ANKRD46: variants seen among roughly 807,000 people sequenced by gnomAD.
ANKRD46 encodes ankyrin repeat domain-containing protein 46.
Under a neutral mutation model 19.8 loss-of-function variants are expected in ANKRD46, and 13 were observed. The observed-to-expected ratio is 0.66, with a 90% confidence interval of 0.43 to 1.04. ANKRD46 has a LOEUF of 1.04. Among genes scored for constraint, ANKRD46 ranks in the 50% least tolerant of loss-of-function variants. ANKRD46 has a pLI of 0.00. For synonymous variants in ANKRD46, 91 were observed against 106.9 expected (o/e 0.85, Z 0.92); for missense variants, 185 against 274.8 (o/e 0.67, Z 2.31).
In ANKRD46 at chr8:100,546,408, C is replaced by G. The variant is rs1812273594; in HGVS notation, c.-130-13097G>C. 2.6e-5 allele frequency among the ~76,000 whole-genome samples: 4 copies of G among 152,226 alleles called. No homozygotes were observed. In the South Asian group the frequency reaches 8.3e-4, roughly 31 times the overall value. ...GGCCAGACTACAGCTCAGACCATTG[C>G]TTCAGAGGGTGCGGGCCCCAAGCCT... is the stretch of plus-strand genomic sequence containing the variant. On this transcript the variant is annotated intron_variant, in intron 1 of 4. Coordinates refer to ENST00000335659, the MANE Select transcript of ANKRD46 (RefSeq NM_001270377.2). This position sits in a 1 kb window ranked among gnomAD's most constrained non-coding sequence, Gnocchi z 4.0.
chr8:100,531,447 A>G (rs1458695561), intron 2 of ANKRD46, among the ~76,000 whole-genome samples: 2 of 152,046 alleles, frequency 1.3e-5, no homozygotes, highest in East Asian at 3.8e-4. Flanking sequence ...CATTGTCCCA[A>G]AATCTGGGGC....
intron 1 of ANKRD46, among the ~76,000 whole-genome samples, chr8:100,549,371 A>T (rs1374631704): frequency 6.6e-6 from 1 of 152,228 alleles, no homozygotes; most frequent in Non-Finnish European, 1.5e-5. Flanking sequence ...AGTGTTAAGC[A>T]TACATTGCCA....
chr8:100,520,949 A>G lies in ANKRD46; in HGVS notation c.*1606T>C. 1 of 985,150 alleles carries G rather than the reference A, an allele frequency of 1.0e-6. No individual in the cohort carries two copies. Among genetic ancestry groups the G allele is most frequent in the Non-Finnish European group, 1.2e-6 (1 of 829,710 alleles). The allele number at this position is 985,150 out of a possible 1,614,324, so 61.0% of individuals were successfully genotyped here. A position where few individuals can be genotyped will look rare whatever the true frequency, so the allele number is the denominator to read the frequency against. On this transcript the variant is annotated 3_prime_UTR_variant, in exon 5 of 5. Coordinates refer to ENST00000335659, the MANE Select transcript of ANKRD46 (RefSeq NM_001270377.2). Reference sequence around the variant, plus strand: ...TACAAACAAATGTAAAGCTAATTCCAAAGTTTTCTTCTGAATATACTTCAA... The same window carrying G: ...TACAAACAAATGTAAAGCTAATTCCGAAGTTTTCTTCTGAATATACTTCAA...
intron 1 of ANKRD46, among the ~76,000 whole-genome samples, chr8:100,542,258 CT>C (rs1203485564): frequency 2.0e-5 from 3 of 152,188 alleles, no homozygotes; most frequent in Non-Finnish European, 4.4e-5. Context: ...TTTACGTATC[CT>C]TATTACACTC....
At chr8:100,516,091 C>T (rs1007986494), downstream of ANKRD46, among the ~76,000 whole-genome samples, 6 of 152,116 alleles carry the variant, frequency 3.9e-5, no homozygotes, top group East Asian at 1.9e-4. Context: ...AGGCTGGTCT[C>T]GAACTCTCGA....
At position 100,559,755 on chromosome 8, in the gene ANKRD46, G is replaced by C. The variant is rs1812578471; in HGVS notation, c.-175C>G. ...CAGCGACAGCGGCAGCTTCAAGGAG[G>C]CGGTGACGGGCGGAGGGGAGGGGCC... On this transcript the variant is annotated 5_prime_UTR_variant, in exon 1 of 5. Coordinates refer to ENST00000335659, the MANE Select transcript of ANKRD46 (RefSeq NM_001270377.2). The surrounding 1 kb of genome is among the most constrained non-coding windows in gnomAD (Gnocchi z 6.0). The C allele has an allele frequency of 6.5e-6, 1 of 152,800 alleles. No individual in the cohort carries two copies. Among genetic ancestry groups the C allele is most frequent in the Non-Finnish European group, 1.5e-5 (1 of 68,474 alleles). 9.5% of individuals were successfully genotyped at this position (152,800 alleles called of 1,614,324 possible). A position where few individuals can be genotyped will look rare whatever the true frequency, so the allele number is the denominator to read the frequency against.
At chr8:100,515,991 G>A (rs1418379404), downstream of ANKRD46, among the ~76,000 whole-genome samples, 1 of 151,776 alleles carries the variant, frequency 6.6e-6, no homozygotes, top group East Asian at 1.9e-4. Context: ...TCCTGCCTCA[G>A]CCTTTCAAGT....
chr8:100,551,430 C>T (rs904423703), intron 1 of ANKRD46: 19 of 642,520 alleles, frequency 3.0e-5, no homozygotes, highest in Admixed American at 7.3e-5. Flanking sequence ...GTGGACTCCA[C>T]GGCATACTCA....
chr8:100,520,878 T>C lies in ANKRD46; in HGVS notation c.*1677A>G. The C allele has an allele frequency of 2.2e-5, 22 of 984,450 alleles. No homozygotes were observed. Among genetic ancestry groups the C allele is most frequent in the Non-Finnish European group, 2.7e-5 (22 of 829,228 alleles). The allele number at this position is 984,450 out of a possible 1,614,324, so 61.0% of individuals were successfully genotyped here. On this transcript the variant is annotated 3_prime_UTR_variant, in exon 5 of 5. Coordinates refer to ENST00000335659, the MANE Select transcript of ANKRD46 (RefSeq NM_001270377.2). Reference sequence around the variant, plus strand: ...AAAAGGAACCATTAATCTTTAAAAATGCTATATACTTACATTTTGACCAAT... The same window carrying C: ...AAAAGGAACCATTAATCTTTAAAAACGCTATATACTTACATTTTGACCAAT...
intron 1 of ANKRD46, among the ~76,000 whole-genome samples, chr8:100,553,690 A>T (rs926753124): frequency 6.6e-6 from 1 of 152,218 alleles, no homozygotes; most frequent in African/African-American, 2.4e-5. Flanking sequence ...CGGAAGCTAC[A>T]GTGAGCTGAG....
chr8:100,551,719 C>A, intron 1 of ANKRD46: 1 of 596,520 alleles, frequency 1.7e-6, no homozygotes, highest in South Asian at 1.5e-5. Context: ...ACCATGATGT[C>A]TTAGAGACAT....
At position 100,528,005 on chromosome 8, in the gene ANKRD46, T is replaced by TA. The variant is rs746946951; in HGVS notation, c.312-3dup. On this transcript the variant is annotated splice_region_variant and splice_polypyrimidine_tract_variant and intron_variant, in intron 3 of 4. Transcript: ENST00000335659. ...AAAGGGGTAGCACCTTGATGATTGC[T>TA]AAAAAAAAAAAAAAAAAAAAAAGTT... is the stretch of plus-strand genomic sequence containing the variant. The TA allele has an allele frequency of 0.074, 83,690 of 1,134,234 alleles. 11 individuals carry two copies. Among genetic ancestry groups the TA allele is most frequent in the South Asian group, 0.084 (2,796 of 33,224 alleles). 70.3% of individuals were successfully genotyped at this position (1,134,234 alleles called of 1,614,324 possible). A position where few individuals can be genotyped will look rare whatever the true frequency, so the allele number is the denominator to read the frequency against.
At chr8:100,514,045 CAGAG>C (rs1811590189) in intron 5 of ANKRD46, among the ~76,000 whole-genome samples, 1 of 152,208 alleles carries the variant, frequency 6.6e-6, no homozygotes, top group Non-Finnish European at 1.5e-5. Flanking sequence ...TTTATTGTGG[CAGAG>C]AATAACCTTC....
downstream of ANKRD46, among the ~76,000 whole-genome samples, chr8:100,519,204 A>G (rs1224257024): frequency 6.6e-6 from 1 of 152,204 alleles, no homozygotes; most frequent in Non-Finnish European, 1.5e-5. Flanking sequence ...AACCTGTGTA[A>G]GGGTACTGGT....
chr8:100,516,227 A>C (rs920585074), downstream of ANKRD46, among the ~76,000 whole-genome samples: 23 of 152,354 alleles, frequency 1.5e-4, no homozygotes, highest in Non-Finnish European at 8.8e-5. Flanking sequence ...AGAATGCTAG[A>C]ATAGAACTCA....
At chr8:100,526,180 G>C (rs996963628) in intron 4 of ANKRD46, among the ~76,000 whole-genome samples, 2 of 152,144 alleles carry the variant, frequency 1.3e-5, no homozygotes, top group Non-Finnish European at 1.5e-5. Flanking sequence ...GAAGGAAGCA[G>C]GAGTACTTCC....
chr8:100,558,244 T>G (rs1812539370), intron 1 of ANKRD46, among the ~76,000 whole-genome samples: 1 of 152,208 alleles, frequency 6.6e-6, no homozygotes, highest in Non-Finnish European at 1.5e-5. Flanking sequence ...GTAACACAAT[T>G]TATATAACAT....
At position 100,525,661 on chromosome 8, in the gene ANKRD46, G is replaced by A. The variant is rs886804878; in HGVS notation, c.470+2184C>T. Among the ~76,000 whole-genome samples, 1 of 152,134 alleles carries A rather than the reference G, an allele frequency of 6.6e-6. No homozygotes were observed. The highest frequency in any genetic ancestry group is 1.5e-5 in the Non-Finnish European group (1 of 68,024). On this transcript the variant is annotated intron_variant, in intron 4 of 4. Coordinates refer to ENST00000335659, the MANE Select transcript of ANKRD46 (RefSeq NM_001270377.2). The surrounding 1 kb of genome is among the most constrained non-coding windows in gnomAD (Gnocchi z 4.4). Reference sequence around the variant, plus strand: ...TCATCAGCTGATGGATATCTGGGTGGTATCAATGTTTTGGCTATTATGAAT... The same window carrying A: ...TCATCAGCTGATGGATATCTGGGTGATATCAATGTTTTGGCTATTATGAAT...
Position 100,532,765 on chromosome 8 carries a change from G to C in ANKRD46, c.-28+444C>G, listed in dbSNP as rs1279748190. 6.6e-6 allele frequency among the ~76,000 whole-genome samples: 1 copy of C among 152,152 alleles called. No homozygotes were observed. On this transcript the variant is annotated intron_variant, in intron 2 of 4. Coordinates refer to ENST00000335659, the MANE Select transcript of ANKRD46 (RefSeq NM_001270377.2). This position sits in a 1 kb window ranked among gnomAD's most constrained non-coding sequence, Gnocchi z 4.7. ...TGGGCTACATTCAAAGCTGTTCTGG[G>C]CTGCAGGTTGGACAAGCTTGCACAG... is the stretch of plus-strand genomic sequence containing the variant.
Sources: allele counts gnomAD v4.1 joint callset (sites outside exome capture counted in the v4.1 genomes callset), GRCh38; gene constraint gnomAD v4.1.1; non-coding constraint Gnocchi (gnomAD v3.1); transcripts MANE v1.5; gene names NCBI Gene and HGNC (gene_info 2026-07-23, HGNC 2026-07-21).